PPP2R5C: variants seen among roughly 807,000 people sequenced by gnomAD.
PPP2R5C encodes the protein protein phosphatase 2 regulatory subunit B'gamma, also known as serine/threonine-protein phosphatase 2A 56 kDa regulatory subunit gamma isoform.
In PPP2R5C, 7 loss-of-function variants were observed where a neutral mutation model predicts 68.9. The observed-to-expected ratio is 0.10, with a 90% CI of 0.06 to 0.19. PPP2R5C has a LOEUF of 0.19. Among genes scored for constraint, PPP2R5C ranks in the 10% least tolerant of loss-of-function variants. PPP2R5C has a pLI of 1.00. For missense variants in PPP2R5C, 348 were observed against 641.3 expected, an observed-to-expected ratio of 0.54 and a Z score of 4.94; for synonymous variants, 210 against 222.2, an observed-to-expected ratio of 0.95 and a Z score of 0.49.
chr14:101,836,154 T>G, intron 1 of PPP2R5C: 2 of 397,266 alleles, frequency 5.0e-6, no homozygotes, highest in Non-Finnish European at 4.8e-6. Flanking sequence ...AGCTGAAAGG[T>G]TTTTTTTTTT....
At chr14:101,809,411 A>C (rs1373309223), upstream of PPP2R5C, among the ~76,000 whole-genome samples, 1 of 151,794 alleles carries the variant, frequency 6.6e-6, no homozygotes, top group South Asian at 2.1e-4. Context: ...AAAACAAAAA[A>C]AAAACACTGG....
chr14:101,857,203 T>C (rs1366423579), intron 2 of PPP2R5C, among the ~76,000 whole-genome samples: 1 of 152,262 alleles, frequency 6.6e-6, no homozygotes, highest in Non-Finnish European at 1.5e-5. Flanking sequence ...TAAATTTTTT[T>C]AAAACATATT....
At chr14:101,782,751 T>C (rs181771220) in intron 2 of PPP2R5C, among the ~76,000 whole-genome samples, 31 of 1,884 alleles carry the variant, frequency 0.016, 1 homozygote, top group African/African-American at 0.03. Context: ...TCTCCCCCCT[T>C]CCCCTCCCTC....
intron 1 of PPP2R5C, chr14:101,824,342 C>T (rs991789269): frequency 3.4e-5 from 13 of 383,652 alleles, no homozygotes; most frequent in Admixed American, 2.1e-4. Flanking sequence ...CATTTGTCTA[C>T]GGGGAAACAG....
At chr14:101,786,034 A>G in exon 3 of PPP2R5C, 1 of 1,527,460 alleles carries the variant, frequency 6.5e-7, no homozygotes. Context: ...TCCGTCAGGA[A>G]AAACAGCCTT....
chr14:101,873,756 T>G (rs890704814), intron 2 of PPP2R5C, among the ~76,000 whole-genome samples: 8 of 152,200 alleles, frequency 5.3e-5, no homozygotes, highest in African/African-American at 1.9e-4. Context: ...CCTTGCAAAT[T>G]CTAATCCAGT....
chr14:101,805,123 T>A (rs1053033524), upstream of PPP2R5C, among the ~76,000 whole-genome samples: 2 of 152,220 alleles, frequency 1.3e-5, no homozygotes, highest in Non-Finnish European at 2.9e-5. Context: ...AGATGGAGTC[T>A]CGCCCTGTCA....
At chr14:101,858,437 T>G (rs2042557269) in intron 2 of PPP2R5C, among the ~76,000 whole-genome samples, 1 of 152,124 alleles carries the variant, frequency 6.6e-6, no homozygotes. Context: ...TAATTGGGGT[T>G]TCCATCACCT....
At chr14:101,764,038 C>CGCGCGCGCGGGT (rs140548459) in intron 2 of PPP2R5C, among the ~76,000 whole-genome samples, 4,069 of 151,910 alleles carry the variant, frequency 0.027, 76 homozygotes, top group Middle Eastern at 0.075. Context: ...TGGGCGCGCG[C>CGCGCGCGCGGGT]ACTTGCGCGT....
At position 101,799,824 on chromosome 14, in the gene PPP2R5C, T is replaced by C. The variant is rs192848341; in HGVS notation, c.259+13641T>C. Among the ~76,000 whole-genome samples the C allele has an allele frequency of 2.1e-3, 317 of 152,376 alleles. 1 individual carries two copies. Among genetic ancestry groups the C allele is most frequent in the Non-Finnish European group, 3.7e-3 (254 of 68,042 alleles). ...TTTTTGTTTGTGTTTTTTATGTACC[T>C]GATCTCATTTATCCAGATTTCCTTG... On this transcript the variant is annotated intron_variant, in intron 3 of 14. Transcript: ENST00000328724.
chr14:101,849,883 A>G (rs932420415), intron 1 of PPP2R5C, among the ~76,000 whole-genome samples: 5 of 152,188 alleles, frequency 3.3e-5, no homozygotes, highest in Admixed American at 6.5e-5. Context: ...GTTTTCATTC[A>G]TGAAGCTTTA....
In PPP2R5C at chr14:101,906,715, T is replaced by A. The variant is rs1442278803; in HGVS notation, c.1151+186T>A. 9.7e-6 allele frequency: 7 copies of A among 723,512 alleles called. No individual in the cohort carries two copies. The East Asian group carries it at 1.7e-4, about 18-fold the overall frequency. The allele number at this position is 723,512 out of a possible 1,614,324, so 44.8% of individuals were successfully genotyped here. Reference sequence around the variant, plus strand: ...TTCTGTGGCCGTTGAATTTACCACCTTATACCTTCATTCCTGCCAGTATAG... The same window carrying A: ...TTCTGTGGCCGTTGAATTTACCACCATATACCTTCATTCCTGCCAGTATAG... On this transcript the variant is annotated intron_variant, in intron 10 of 13. Transcript: ENST00000334743. This position sits in a 1 kb window ranked among gnomAD's most constrained non-coding sequence, Gnocchi z 4.0.
intron 1 of PPP2R5C, among the ~76,000 whole-genome samples, chr14:101,856,058 T>C (rs1312645199): frequency 6.6e-6 from 1 of 152,210 alleles, no homozygotes; most frequent in Non-Finnish European, 1.5e-5. Flanking sequence ...GGAAATGCAG[T>C]GTGCTTGGTG....
chr14:101,817,995 C>G (rs2039824948), intron 1 of PPP2R5C: 1 of 152,114 alleles, frequency 6.6e-6, no homozygotes, highest in South Asian at 2.1e-4. Flanking sequence ...CATCTCAAAG[C>G]TCATCTGTCT....
chr14:101,844,347 C>T (rs1295633823), intron 1 of PPP2R5C, among the ~76,000 whole-genome samples: 1 of 152,124 alleles, frequency 6.6e-6, no homozygotes, highest in Non-Finnish European at 1.5e-5. Context: ...AGAGATTGGA[C>T]ACACACGTGC....
chr14:101,868,773 C>A (rs1174354150), intron 2 of PPP2R5C, among the ~76,000 whole-genome samples: 1 of 152,106 alleles, frequency 6.6e-6, no homozygotes, highest in East Asian at 1.9e-4. Flanking sequence ...CTTTCCATAA[C>A]TTTTTTTAAA....
At chr14:101,794,954 A>T (rs1459830247) in intron 3 of PPP2R5C, among the ~76,000 whole-genome samples, 1 of 152,192 alleles carries the variant, frequency 6.6e-6, no homozygotes, top group Non-Finnish European at 1.5e-5. Context: ...GTAAACTCAC[A>T]TGTCTTTCTC....
intron 2 of PPP2R5C, among the ~76,000 whole-genome samples, chr14:101,862,888 T>C (rs2042834758): frequency 6.6e-6 from 1 of 151,174 alleles, no homozygotes; most frequent in Non-Finnish European, 1.5e-5. Flanking sequence ...GGCATGGTCA[T>C]TACTCACTGC....
intron 3 of PPP2R5C, among the ~76,000 whole-genome samples, chr14:101,791,653 G>A (rs972809194): frequency 6.6e-6 from 1 of 150,538 alleles, no homozygotes; most frequent in Non-Finnish European, 1.5e-5. Flanking sequence ...TTAATTTCAG[G>A]GTTTTTTTTT....
Sources: gnomAD v4.1 joint callset for allele counts (sites outside exome capture counted in the v4.1 genomes callset) on GRCh38, gnomAD v4.1.1 for gene constraint, Gnocchi (gnomAD v3.1) non-coding constraint, MANE v1.5 for transcripts, NCBI Gene and HGNC (gene_info 2026-07-23, HGNC 2026-07-21) for gene names.